EXOC6: variants seen among roughly 807,000 people sequenced by gnomAD.
The protein encoded by EXOC6 is exocyst complex component 6, also known as SEC15-like 1.
In EXOC6, 60 loss-of-function variants were observed where a neutral mutation model predicts 112.5. The observed-to-expected ratio is 0.53, with a 90% CI of 0.43 to 0.66. EXOC6 has a LOEUF of 0.66. Ranked by LOEUF, EXOC6 falls within the 30% of genes least tolerant of loss-of-function variation. The pLI is 0.00. For missense variants in EXOC6, 855 were observed against 957.1 expected, an observed-to-expected ratio of 0.89 and a Z score of 1.41; for synonymous variants, 295 against 308.0, an observed-to-expected ratio of 0.96 and a Z score of 0.44.
intron 1 of EXOC6, among the ~76,000 whole-genome samples, chr10:92,872,738 T>C (rs1292849373): frequency 6.7e-6 from 1 of 149,254 alleles, no homozygotes; most frequent in African/African-American, 2.5e-5. Flanking sequence ...TTTAGCATTG[T>C]AAATCATAAG....
At chr10:92,863,870 G>A (rs185958610) in intron 1 of EXOC6, among the ~76,000 whole-genome samples, 30 of 146,316 alleles carry the variant, frequency 2.1e-4, no homozygotes, top group African/African-American at 7.1e-4. Context: ...AGTCTATATC[G>A]CGCCACTGCA....
chr10:93,053,350 T>C (rs1846392466), intron 20 of EXOC6, among the ~76,000 whole-genome samples: 1 of 152,206 alleles, frequency 6.6e-6, no homozygotes. Context: ...AGTCCTGGTT[T>C]TTTGTTTTAT....
At chr10:92,912,316 A>G (rs958540024) in intron 6 of EXOC6, among the ~76,000 whole-genome samples, 1 of 152,108 alleles carries the variant, frequency 6.6e-6, no homozygotes, top group Non-Finnish European at 1.5e-5. Flanking sequence ...CCCGCAATGC[A>G]ACGGGGCTCT....
intron 19 of EXOC6, among the ~76,000 whole-genome samples, chr10:93,012,581 T>C (rs1290262378): frequency 6.6e-6 from 1 of 152,158 alleles, no homozygotes; most frequent in African/African-American, 2.4e-5. Context: ...CTGTGCAAAT[T>C]TTCATTTATT....
intron 7 of EXOC6, 32 bp downstream of exon 7, chr10:92,915,945 T>G (rs1452977908): frequency 1.3e-5 from 19 of 1,441,850 alleles, no homozygotes; most frequent in Non-Finnish European, 1.8e-5. Flanking sequence ...TTTCTATTAT[T>G]AGATAATTTT....
At chr10:93,043,997 G>A (rs901262693) in intron 20 of EXOC6, among the ~76,000 whole-genome samples, 4 of 152,154 alleles carry the variant, frequency 2.6e-5, no homozygotes, top group African/African-American at 7.2e-5. Context: ...TCTCTGTTTC[G>A]TTGTCTCAGA....
At chr10:92,973,587 ATC>A (rs1425844763) in intron 17 of EXOC6, among the ~76,000 whole-genome samples, 1 of 152,220 alleles carries the variant, frequency 6.6e-6, no homozygotes, top group Non-Finnish European at 1.5e-5. Context: ...GAAATTAACT[ATC>A]TCAATCTCTT....
At chr10:93,023,715 A>C (rs1301384942) in intron 20 of EXOC6, among the ~76,000 whole-genome samples, 1 of 152,226 alleles carries the variant, frequency 6.6e-6, no homozygotes, top group Non-Finnish European at 1.5e-5. Flanking sequence ...TGTTTTGTTA[A>C]ATATAATATT....
chr10:92,948,573 CACTACTACT>C (rs71028860), intron 14 of EXOC6, among the ~76,000 whole-genome samples, 194 bp downstream of exon 14: 402 of 140,182 alleles, frequency 2.9e-3, no homozygotes, highest in African/African-American at 6.0e-3. Context: ...CTACTACTAC[CACTACTACT>C]ACTACTACTA....
chr10:92,881,512 G>T (rs979479883), intron 1 of EXOC6, among the ~76,000 whole-genome samples: 17 of 152,194 alleles, frequency 1.1e-4, no homozygotes, highest in African/African-American at 3.9e-4. Context: ...TATTAAAGTT[G>T]CCTGTGTATA....
intron 1 of EXOC6, among the ~76,000 whole-genome samples, chr10:92,879,784 C>A (rs1848858618): frequency 1.3e-5 from 2 of 152,054 alleles, no homozygotes; most frequent in African/African-American, 4.8e-5. Flanking sequence ...TATATGTGTT[C>A]TTTCAATATT....
In EXOC6 at chr10:92,896,171, ATATATATATATTTTTTTTTTTTTT is replaced by A. The variant is rs1564810002; in HGVS notation, c.412+1153_412+1176del. On this transcript the variant is annotated intron_variant, in intron 4 of 21. Transcript: ENST00000260762. ...TGTATATATATATATATATATATAT[ATATATATATATTTTTTTTTTTTTT>A]TTTTTTTTTTTTTTTTTTTTTTGGC... Among the ~76,000 whole-genome samples the A allele has an allele frequency of 9.2e-3, 231 of 25,218 alleles. 24 individuals carry two copies. The East Asian group carries it at 0.11, about 12-fold the overall frequency. 16.5% of individuals were successfully genotyped at this position (25,218 alleles called of 152,430 possible).
chr10:92,899,728 T>A, intron 5 of EXOC6, 84 bp downstream of exon 5: 1 of 1,038,248 alleles, frequency 9.6e-7, no homozygotes, highest in Non-Finnish European at 1.5e-6. Context: ...TAAATCATAG[T>A]GAATCATGAG....
intron 17 of EXOC6, among the ~76,000 whole-genome samples, chr10:92,966,284 T>TATA (rs35061055): frequency 0.19 from 26,679 of 142,472 alleles, 2,961 homozygotes; most frequent in African/African-American, 0.31. Flanking sequence ...TAATTATAAT[T>TATA]ATTATTATTA....
chr10:92,936,768 G>A (rs1204464324), intron 12 of EXOC6, among the ~76,000 whole-genome samples: 2 of 152,078 alleles, frequency 1.3e-5, no homozygotes, highest in Admixed American at 6.6e-5. Context: ...ACAATATTAC[G>A]GGGTGGGGTG....
intron 5 of EXOC6, among the ~76,000 whole-genome samples, chr10:92,908,715 G>C (rs889993073): frequency 6.6e-5 from 10 of 152,116 alleles, no homozygotes; most frequent in Admixed American, 6.6e-4. Context: ...GAAGTCTAAA[G>C]AGAACTAAAT....
intron 6 of EXOC6, among the ~76,000 whole-genome samples, chr10:92,915,537 C>A (rs1353663089): frequency 6.7e-6 from 1 of 149,832 alleles, no homozygotes; most frequent in East Asian, 1.9e-4. Flanking sequence ...CCACTGTACT[C>A]CAGCCTGGAT....
chr10:93,041,899 G>A (rs1432165710), intron 20 of EXOC6, among the ~76,000 whole-genome samples: 2 of 152,066 alleles, frequency 1.3e-5, no homozygotes, highest in East Asian at 3.9e-4. Context: ...TTTGTAGAGA[G>A]AGGATTTTAC....
At chr10:92,893,756 G>A (rs937887332) in intron 2 of EXOC6, among the ~76,000 whole-genome samples, 4 of 152,068 alleles carry the variant, frequency 2.6e-5, no homozygotes, top group African/African-American at 9.7e-5. Context: ...TTCCATGCAG[G>A]GAAGTGAACT....
Sources: allele counts gnomAD v4.1 joint callset (sites outside exome capture counted in the v4.1 genomes callset), GRCh38; gene constraint gnomAD v4.1.1; transcripts MANE v1.5; gene names NCBI Gene and HGNC (gene_info 2026-07-23, HGNC 2026-07-21).